CACNA1C: variants seen among roughly 807,000 people sequenced by gnomAD.
CACNA1C encodes the protein calcium voltage-gated channel subunit alpha1 C.
A neutral mutation model predicts 229.0 loss-of-function variants in CACNA1C; 30 were observed. That is an observed-to-expected ratio of 0.13 (90% CI 0.10 to 0.18). CACNA1C has a LOEUF of 0.18. Ranked by LOEUF, CACNA1C falls within the 10% of genes least tolerant of loss-of-function variation. The probability of loss-of-function intolerance (pLI) is 1.00; values close to 1 mark genes in which losing one functional copy is unlikely to be tolerated. For synonymous variants in CACNA1C, 1,114 were observed against 1,132.5 expected (o/e 0.98, Z 0.33); for missense variants, 1,658 against 2,845.0 (o/e 0.58, Z 9.49).
intron 3 of CACNA1C, among the ~76,000 whole-genome samples, chr12:2,350,093 G>A (rs1345137577): frequency 6.6e-6 from 1 of 152,204 alleles, no homozygotes; most frequent in Non-Finnish European, 1.5e-5. Context: ...TAGTGAGAAG[G>A]TGATCTTCTA....
intron 24 of CACNA1C, 127 bp from the exon 25 acceptor site, chr12:2,606,484 C>A: frequency 1.3e-6 from 1 of 772,036 alleles, no homozygotes; most frequent in Non-Finnish European, 2.2e-6. Flanking sequence ...TCCTGCCCAT[C>A]TGGATTCTGC....
At chr12:2,676,616 C>T (rs1450123913) in intron 39 of CACNA1C, 1 of 154,392 alleles carries the variant, frequency 6.5e-6, no homozygotes, top group African/African-American at 2.4e-5. Flanking sequence ...GAAAGCCCTC[C>T]TTCCACCAGC....
chr12:2,688,590 G>C lies in CACNA1C; in HGVS notation c.5928G>C (p.Gly1976=), dbSNP rs763979736. The C allele has an allele frequency of 1.3e-5, 21 of 1,613,980 alleles. No individual in the cohort carries two copies. In the Admixed American group the frequency reaches 3.3e-4, roughly 26 times the overall value. The change falls in exon 46 of 47, where the codon GGG becomes GGC. Residue 1976 remains glycine (G), a synonymous_variant. Coordinates refer to ENST00000399655, the MANE Select transcript of CACNA1C (RefSeq NM_000719.7). The stretch of plus-strand genomic sequence containing the variant: ...CCGTCCCCACCCTGCGGCTTGAGGG[G>C]GTCGAGTCCAGTGAGAAACTCAACA... The part of the protein sequence containing the change: ...PQPVPTLRLE[G]VESSEKLNSS...
At chr12:2,289,809 A>AT (rs1247956330) in intron 3 of CACNA1C, among the ~76,000 whole-genome samples, 1 of 152,128 alleles carries the variant, frequency 6.6e-6, no homozygotes, top group African/African-American at 2.4e-5. Context: ...CAGCTTCCCT[A>AT]TTTTGCCATT....
At chr12:2,265,940 C>G (rs571236989) in intron 3 of CACNA1C, among the ~76,000 whole-genome samples, 5 of 152,256 alleles carry the variant, frequency 3.3e-5, no homozygotes, top group East Asian at 1.9e-4. Flanking sequence ...TCTCTGCCCC[C>G]CTGCGCTCCA....
intron 13 of CACNA1C, among the ~76,000 whole-genome samples, chr12:2,581,278 G>C (rs548194665): frequency 6.6e-6 from 1 of 152,250 alleles, no homozygotes; most frequent in Admixed American, 6.5e-5. Flanking sequence ...TTTTTGATGG[G>C]GATGCAGAAG....
At chr12:2,193,752 G>A (rs1315152156) in intron 3 of CACNA1C, among the ~76,000 whole-genome samples, 1 of 152,246 alleles carries the variant, frequency 6.6e-6, no homozygotes, top group Non-Finnish European at 1.5e-5. Flanking sequence ...TCCAGGGCTG[G>A]CCATCTATGT....
chr12:2,009,995 A>G (rs2044113470), intron 1 of CACNA1C, among the ~76,000 whole-genome samples: 4 of 152,212 alleles, frequency 2.6e-5, no homozygotes, highest in Admixed American at 2.0e-4. Flanking sequence ...AAAACCCAAA[A>G]AACTATTACA....
intron 19 of CACNA1C, among the ~76,000 whole-genome samples, 172 bp downstream of exon 19, chr12:2,593,517 T>G (rs959029727): frequency 1.6e-4 from 25 of 152,248 alleles, no homozygotes; most frequent in African/African-American, 6.0e-4. Flanking sequence ...ATCAGAAGAC[T>G]TGTGTTTATT....
At chr12:2,513,087 A>G (rs2099788330) in intron 9 of CACNA1C, 103 bp downstream of exon 9, 1 of 872,096 alleles carries the variant, frequency 1.1e-6, no homozygotes, top group Non-Finnish European at 1.7e-6. Flanking sequence ...TTAGAAGCCC[A>G]CGGGGTGCCT....
chr12:2,690,341 GT>G, intron 46 of CACNA1C: 1 of 153,194 alleles, frequency 6.5e-6, no homozygotes, highest in Non-Finnish European at 1.5e-5. Flanking sequence ...TGTTTTGGTT[GT>G]TTTTTGAGAC....
chr12:2,392,849 A>G (rs2098508978), intron 3 of CACNA1C, among the ~76,000 whole-genome samples: 1 of 152,126 alleles, frequency 6.6e-6, no homozygotes, highest in Admixed American at 6.5e-5. Flanking sequence ...TTCATGGATG[A>G]GTTCAGCAGA....
intron 3 of CACNA1C, among the ~76,000 whole-genome samples, chr12:2,307,420 T>G (rs191297724): frequency 6.6e-6 from 1 of 152,236 alleles, no homozygotes; most frequent in East Asian, 1.9e-4. Context: ...CACAGCTCCT[T>G]GGAAGCAGCT....
intron 3 of CACNA1C, among the ~76,000 whole-genome samples, chr12:2,180,621 C>G (rs929055572): frequency 1.3e-5 from 2 of 152,186 alleles, no homozygotes; most frequent in African/African-American, 4.8e-5. Flanking sequence ...AGAGACTGTC[C>G]AGTGCGCTGC....
chr12:2,011,073 C>T (rs2044328218), intron 1 of CACNA1C: 1 of 148,906 alleles, frequency 6.7e-6, no homozygotes, highest in African/African-American at 2.5e-5. Context: ...ATCACTTGAA[C>T]CCGGGAGGCA....
At chr12:2,304,857 G>A (rs1466785835) in intron 3 of CACNA1C, among the ~76,000 whole-genome samples, 2 of 152,254 alleles carry the variant, frequency 1.3e-5, no homozygotes, top group African/African-American at 4.8e-5. Flanking sequence ...CTCAGGCAGG[G>A]CAGGCAGGGT....
At chr12:2,590,578 G>A (rs949160389) in intron 18 of CACNA1C, among the ~76,000 whole-genome samples, 1 of 152,028 alleles carries the variant, frequency 6.6e-6, no homozygotes, top group Non-Finnish European at 1.5e-5. Context: ...TTCAGAAATC[G>A]TTTCCTCTTA....
chr12:1,979,524 C>A (rs1055408109), intron 1 of CACNA1C, among the ~76,000 whole-genome samples: 1 of 152,158 alleles, frequency 6.6e-6, no homozygotes, highest in Non-Finnish European at 1.5e-5. Flanking sequence ...GTTGGCCAGG[C>A]TCGTCTCGAA....
chr12:2,108,844 G>C lies in CACNA1C; in HGVS notation c.50-6380G>C, dbSNP rs79091289. ...TTTCTAGTCATTGGGCCTTTAGTGG[G>C]TGGAGAAAGTCCGGTTTCTGTTCCA... On this transcript the variant is annotated intron_variant, in intron 1 of 46. Transcript: ENST00000399655. The surrounding 1 kb of genome is among the most constrained non-coding windows in gnomAD (Gnocchi z 5.3). 0.013 allele frequency among the ~76,000 whole-genome samples: 2,046 copies of C among 152,282 alleles called. 38 individuals carry two copies. Among genetic ancestry groups the C allele is most frequent in the African/African-American group, 0.046 (1,909 of 41,542 alleles).
Sources: gnomAD v4.1 joint callset for allele counts (sites outside exome capture counted in the v4.1 genomes callset) on GRCh38, gnomAD v4.1.1 for gene constraint, Gnocchi (gnomAD v3.1) non-coding constraint, MANE v1.5 for transcripts, NCBI Gene and HGNC (gene_info 2026-07-23, HGNC 2026-07-21) for gene names.